GRIP1: variants seen among roughly 807,000 people sequenced by gnomAD.
GRIP1 encodes the protein glutamate receptor-interacting protein 1.
Under a neutral mutation model 129.9 loss-of-function variants are expected in GRIP1, and 45 were observed. That is an observed-to-expected ratio of 0.35 (90% CI 0.27 to 0.44). The LOEUF is 0.44. GRIP1 is among the 20% of genes least tolerant of loss of function. The probability of loss-of-function intolerance (pLI) is 1.00; values close to 1 mark genes in which losing one functional copy is unlikely to be tolerated. For missense variants in GRIP1, 1,196 were observed against 1,396.8 expected (o/e 0.86, Z 2.29); for synonymous variants, 530 against 520.8 (o/e 1.02, Z -0.24).
At chr12:66,398,103 C>A (rs1289671396) in intron 16 of GRIP1, among the ~76,000 whole-genome samples, 4 of 152,170 alleles carry the variant, frequency 2.6e-5, no homozygotes, top group African/African-American at 9.7e-5. Context: ...TGGCTCTGCC[C>A]AGTTTTTCAT....
chr12:66,669,712 C>G (rs12818809), intron 1 of GRIP1, among the ~76,000 whole-genome samples: 4 of 152,138 alleles, frequency 2.6e-5, no homozygotes, highest in Non-Finnish European at 5.9e-5. Flanking sequence ...CCATCAATGT[C>G]TCTGGTGTAA....
intron 1 of GRIP1, among the ~76,000 whole-genome samples, chr12:66,973,321 A>T (rs1013091041): frequency 6.7e-6 from 1 of 149,626 alleles, no homozygotes; most frequent in East Asian, 1.9e-4. Flanking sequence ...TTTTTCTTTA[A>T]CTTTTTTCTC....
chr12:66,893,158 C>T (rs563541408), intron 1 of GRIP1, among the ~76,000 whole-genome samples: 1 of 152,104 alleles, frequency 6.6e-6, no homozygotes, highest in African/African-American at 2.4e-5. Flanking sequence ...TGGAACCATA[C>T]AGTATAAAAC....
intron 17 of GRIP1, among the ~76,000 whole-genome samples, chr12:66,393,724 T>C (rs2056682679): frequency 6.6e-6 from 1 of 152,168 alleles, no homozygotes; most frequent in South Asian, 2.1e-4. Context: ...AAAATGGACA[T>C]TCCAGCTTTT....
chr12:66,593,549 C>T (rs1299665227), intron 2 of GRIP1, among the ~76,000 whole-genome samples: 2 of 151,240 alleles, frequency 1.3e-5, no homozygotes, highest in Non-Finnish European at 3.0e-5. Context: ...CAGGAAGCAC[C>T]AGATCTACAT....
chr12:66,612,064 T>C (rs2064821767), intron 1 of GRIP1, among the ~76,000 whole-genome samples: 1 of 152,202 alleles, frequency 6.6e-6, no homozygotes, highest in African/African-American at 2.4e-5. Context: ...GGAATACTAA[T>C]ATATTTTTTT....
chr12:66,501,143 T>G (rs1472894919), intron 7 of GRIP1, among the ~76,000 whole-genome samples: 2 of 152,220 alleles, frequency 1.3e-5, no homozygotes, highest in East Asian at 3.9e-4. Context: ...TATCTAGGAG[T>G]CATTTTCAGT....
chr12:66,932,562 G>C (rs1340650399), intron 1 of GRIP1, among the ~76,000 whole-genome samples: 1 of 151,158 alleles, frequency 6.6e-6, no homozygotes, highest in East Asian at 1.9e-4. Context: ...ACCCTGAATT[G>C]AGTCTCTTAG....
chr12:66,771,996 C>T (rs563543662), intron 1 of GRIP1, among the ~76,000 whole-genome samples: 11 of 152,220 alleles, frequency 7.2e-5, no homozygotes, highest in South Asian at 2.1e-4. Flanking sequence ...ATAATAAAGG[C>T]GATAACTAAA....
intron 1 of GRIP1, among the ~76,000 whole-genome samples, chr12:66,952,819 G>A (rs1312211214): frequency 6.6e-6 from 1 of 152,120 alleles, no homozygotes; most frequent in East Asian, 1.9e-4. Flanking sequence ...TTGCATACAT[G>A]ATCCAGGCCT....
chr12:66,651,508 G>T (rs1309695294), intron 1 of GRIP1, among the ~76,000 whole-genome samples: 1 of 152,134 alleles, frequency 6.6e-6, no homozygotes, highest in South Asian at 2.1e-4. Flanking sequence ...GAATACTCAT[G>T]ATTGTTGTTC....
chr12:66,874,636 G>A (rs2040353176), intron 1 of GRIP1, among the ~76,000 whole-genome samples: 1 of 152,024 alleles, frequency 6.6e-6, no homozygotes, highest in Non-Finnish European at 1.5e-5. Flanking sequence ...GGCCGGAGCA[G>A]AAGGAAGAGA....
intron 1 of GRIP1, among the ~76,000 whole-genome samples, chr12:66,754,889 G>A (rs2037238205): frequency 6.6e-6 from 1 of 152,048 alleles, no homozygotes; most frequent in Admixed American, 6.6e-5. Flanking sequence ...CATCTAGTTG[G>A]CTATCATGAA....
intron 1 of GRIP1, among the ~76,000 whole-genome samples, chr12:66,631,078 C>T (rs2030724942): frequency 1.3e-5 from 2 of 152,074 alleles, no homozygotes; most frequent in Admixed American, 1.3e-4. Flanking sequence ...GCTGGGATTA[C>T]AGGTGCCTGC....
intron 23 of GRIP1, among the ~76,000 whole-genome samples, chr12:66,356,649 G>A (rs902588274): frequency 2.6e-5 from 4 of 151,744 alleles, no homozygotes; most frequent in African/African-American, 9.7e-5. Context: ...GTTTCCTTCA[G>A]CTATCCTTCT....
intron 1 of GRIP1, among the ~76,000 whole-genome samples, chr12:67,047,921 A>G (rs1163178404): frequency 1.3e-5 from 2 of 152,172 alleles, no homozygotes; most frequent in Non-Finnish European, 2.9e-5. Context: ...CCTCTTTTTT[A>G]TAAAGCTTTT....
intron 1 of GRIP1, among the ~76,000 whole-genome samples, chr12:66,849,959 C>G (rs529604189): frequency 1.3e-5 from 2 of 152,156 alleles, no homozygotes; most frequent in African/African-American, 4.8e-5. Context: ...GTTTCTCAGT[C>G]TTTCTGTGCC....
At chr12:66,429,215 G>C (rs1178346212) in intron 14 of GRIP1, among the ~76,000 whole-genome samples, 4 of 152,130 alleles carry the variant, frequency 2.6e-5, no homozygotes, top group Non-Finnish European at 5.9e-5. Context: ...GAGATGAGGG[G>C]CTGTTTCTTA....
At chr12:66,939,629 T>C (rs2041550931) in intron 1 of GRIP1, among the ~76,000 whole-genome samples, 1 of 152,146 alleles carries the variant, frequency 6.6e-6, no homozygotes, top group Non-Finnish European at 1.5e-5. Flanking sequence ...TCATTCAGCA[T>C]AATTTTCATT....
Sources: allele counts gnomAD v4.1 joint callset (sites outside exome capture counted in the v4.1 genomes callset), GRCh38; gene constraint gnomAD v4.1.1; transcripts MANE v1.5; gene names NCBI Gene and HGNC (gene_info 2026-07-23, HGNC 2026-07-21).